The following SLC13A5 variants were observed in gnomAD, a reference collection of about 807,000 sequenced individuals.
SLC13A5 encodes the protein solute carrier family 13 member 5.
In SLC13A5, 25 loss-of-function variants were observed where a neutral mutation model predicts 56.5. That is an observed-to-expected ratio of 0.44 (90% CI 0.32 to 0.62). The LOEUF (loss-of-function observed/expected upper bound fraction) is 0.62, where lower values mean the gene tolerates loss of function less well. SLC13A5 is among the 20% of genes least tolerant of loss of function. The probability of loss-of-function intolerance (pLI) is 0.04; values close to 1 mark genes in which losing one functional copy is unlikely to be tolerated. For synonymous variants in SLC13A5, 307 were observed against 301.5 expected (o/e 1.02, Z -0.19); for missense variants, 649 against 737.8 (o/e 0.88, Z 1.39).
chr17:6,698,161 G>A (rs532761757), intron 6 of SLC13A5, among the ~76,000 whole-genome samples: 1 of 152,332 alleles, frequency 6.6e-6, no homozygotes, highest in South Asian at 2.1e-4. Context: ...GAGCTACCCC[G>A]GCCAGCCACA....
chr17:6,703,284 G>A (rs761863923), intron 4 of SLC13A5, 146 bp from the exon 5 acceptor site: 121 of 1,021,490 alleles, frequency 1.2e-4, no homozygotes, highest in Non-Finnish European at 1.6e-4. Context: ...AGAGTTGCTG[G>A]CAGGGATGTG....
intron 7 of SLC13A5, 61 bp downstream of exon 7, chr17:6,695,665 A>C: frequency 6.4e-7 from 1 of 1,561,656 alleles, no homozygotes; most frequent in Non-Finnish European, 8.8e-7. Context: ...TGCTGGGATT[A>C]CATGTGTGAG....
chr17:6,707,305 G>T, intron 1 of SLC13A5, 149 bp from the exon 2 acceptor site: 1 of 1,104,904 alleles, frequency 9.1e-7, no homozygotes, highest in Non-Finnish European at 1.3e-6. Flanking sequence ...CCCAGCCCTG[G>T]TCAGCACAGC....
intron 5 of SLC13A5, among the ~76,000 whole-genome samples, chr17:6,702,469 C>G (rs917385781): frequency 2.6e-5 from 4 of 152,218 alleles, no homozygotes. Flanking sequence ...GACCCAACCC[C>G]AGCCCTTCAT....
chr17:6,706,996 G>A (rs1973887730), intron 2 of SLC13A5, 32 bp downstream of exon 2: 1 of 1,612,624 alleles, frequency 6.2e-7, no homozygotes, highest in Admixed American at 1.7e-5. Context: ...GGGAGAACCA[G>A]AAAGTCACCA....
chr17:6,703,957 C>A lies in SLC13A5; in HGVS notation c.468G>T (p.Leu156Phe), dbSNP rs774491349. 35 of 1,611,182 alleles carry A rather than the reference C, an allele frequency of 2.2e-5. No individual in the cohort carries two copies. In the South Asian group the frequency reaches 3.7e-4, roughly 17 times the overall value. ...CTGCGCTTGTGGCTTCCATCTGCTG[C>A]AATATGGCCTCCACGATGGGCACCA... The part of the protein sequence containing the change: ...AMMVPIVEAI[L>F]QQMEATSAAT... The change falls in exon 4 of 12, where the codon TTG becomes TTT. Residue 156 changes from leucine (L) to phenylalanine (F), a missense_variant. Leu to Phe is a conservative substitution (Grantham distance 22, BLOSUM62 0). Transcript: ENST00000433363.
intron 1 of SLC13A5, among the ~76,000 whole-genome samples, chr17:6,709,980 A>T (rs1331004399): frequency 6.6e-6 from 1 of 152,214 alleles, no homozygotes; most frequent in Non-Finnish European, 1.5e-5. Flanking sequence ...GTACTTTGCC[A>T]AAGTTCCCCT....
At chr17:6,709,676 C>T (rs145757213) in intron 1 of SLC13A5, among the ~76,000 whole-genome samples, 433 of 151,168 alleles carry the variant, frequency 2.9e-3, no homozygotes, top group Non-Finnish European at 4.7e-3. Context: ...TTCTCATCAC[C>T]CAGAAGAGCG....
At position 6,703,614 on chromosome 17, in the gene SLC13A5, A is replaced by G. The variant is rs218674; in HGVS notation, c.547+264T>C. ...GTGCTCGAAAGATGCCCAAATGAAT[A>G]ATCAGGTGAACACACTGATTTCTGC... On this transcript the variant is annotated intron_variant, in intron 4 of 11. Transcript: ENST00000433363. Among the ~76,000 whole-genome samples the G allele has an allele frequency of 0.25, 38,548 of 152,146 alleles. 5,668 individuals carry two copies. The highest frequency in any genetic ancestry group is 0.59 in the East Asian group (3,045 of 5,166).
chr17:6,707,004 C>T, intron 2 of SLC13A5, 24 bp downstream of exon 2: 1 of 1,613,210 alleles, frequency 6.2e-7, no homozygotes. Context: ...CAGAAAGTCA[C>T]CAGGATCCCT....
At chr17:6,704,103 C>G (rs1190612231) in intron 3 of SLC13A5, 47 bp from the exon 4 acceptor site, 1 of 1,567,804 alleles carries the variant, frequency 6.4e-7, no homozygotes, top group South Asian at 1.2e-5. Flanking sequence ...CCCACCCCAC[C>G]CCCGTACTCC....
intron 7 of SLC13A5, chr17:6,695,436 C>T: frequency 3.3e-6 from 1 of 306,996 alleles, no homozygotes; most frequent in Non-Finnish European, 6.2e-6. Flanking sequence ...GTTGCCCAGG[C>T]TGGAGTGCAG....
chr17:6,704,150 G>T, intron 3 of SLC13A5, 94 bp from the exon 4 acceptor site: 6 of 1,367,792 alleles, frequency 4.4e-6, no homozygotes, highest in Non-Finnish European at 6.1e-6. Context: ...ACCCCTGCAG[G>T]GATGCACAGG....
In SLC13A5 at chr17:6,687,423, C is replaced by T; in HGVS notation, c.1575+106G>A. On this transcript the variant is annotated intron_variant, in intron 11 of 11. Transcript: ENST00000433363. This position sits in a 1 kb window ranked among gnomAD's most constrained non-coding sequence, Gnocchi z 5.0. Reference sequence around the variant, plus strand: ...CAGGTCTGGATGTTCCGTGGCATTCCCAAGTCACATGACATCGTTTTGAAA... The same window carrying T: ...CAGGTCTGGATGTTCCGTGGCATTCTCAAGTCACATGACATCGTTTTGAAA... The T allele has an allele frequency of 6.6e-7, 1 of 1,514,560 alleles. No individual in the cohort carries two copies. Among genetic ancestry groups the T allele is most frequent in the Non-Finnish European group, 9.0e-7 (1 of 1,106,322 alleles). The allele number at this position is 1,514,560 out of a possible 1,614,324, so 93.8% of individuals were successfully genotyped here.
At chr17:6,709,092 G>A (rs1973948487) in intron 1 of SLC13A5, among the ~76,000 whole-genome samples, 1 of 150,830 alleles carries the variant, frequency 6.6e-6, no homozygotes, top group Non-Finnish European at 1.5e-5. Flanking sequence ...CTGGGCTCAA[G>A]GGATCCTTCC....
chr17:6,692,151 GGA>G lies in SLC13A5; in HGVS notation c.1275+891_1275+892del, dbSNP rs1567615429. On this transcript the variant is annotated intron_variant, in intron 9 of 11. Coordinates refer to ENST00000433363, the MANE Select transcript of SLC13A5 (RefSeq NM_177550.5). The surrounding 1 kb of genome is among the most constrained non-coding windows in gnomAD (Gnocchi z 5.5). ...TGGATGGATGGATGGATGGATGGAT[GGA>G]TGGATGGATGGATAGATGGGTGGAT... is the stretch of plus-strand genomic sequence containing the variant. Among the ~76,000 whole-genome samples, 1 of 151,376 alleles carries G rather than the reference GGA, an allele frequency of 6.6e-6. No homozygotes were observed. The highest frequency in any genetic ancestry group is 1.5e-5 in the Non-Finnish European group (1 of 67,822).
At chr17:6,704,348 A>G (rs1973807874) in intron 3 of SLC13A5, 1 of 540,004 alleles carries the variant, frequency 1.9e-6, no homozygotes, top group Admixed American at 2.2e-5. Flanking sequence ...TCGTGGTTCT[A>G]AGGAGCACCC....
Position 6,690,730 on chromosome 17 carries a change from T to C in SLC13A5, c.1437+49A>G, listed in dbSNP as rs768156290. ...TCGTCAGGGACCCACAATATGGCCA[T>C]GTGTTCCTGTGAAATGGAAGGGCTC... On this transcript the variant is annotated intron_variant, in intron 10 of 11. Transcript: ENST00000433363. The C allele has an allele frequency of 7.4e-6, 12 of 1,612,534 alleles. No homozygotes were observed. The East Asian group carries it at 1.6e-4, about 21-fold the overall frequency.
At chr17:6,709,470 A>T (rs1042304593) in intron 1 of SLC13A5, among the ~76,000 whole-genome samples, 4 of 151,942 alleles carry the variant, frequency 2.6e-5, no homozygotes, top group Admixed American at 2.6e-4. Context: ...GGATTTCACC[A>T]TGTTGGCCAG....
Sources: gnomAD v4.1 joint callset for allele counts (sites outside exome capture counted in the v4.1 genomes callset) on GRCh38, gnomAD v4.1.1 for gene constraint, Gnocchi (gnomAD v3.1) non-coding constraint, MANE v1.5 for transcripts, NCBI Gene and HGNC (gene_info 2026-07-23, HGNC 2026-07-21) for gene names.